The following COL5A1 variants were observed in gnomAD, a reference collection of about 807,000 sequenced individuals.
COL5A1 encodes collagen alpha-1(V) chain.
COL5A1 carries 16 observed loss-of-function variants against 263.7 expected under a neutral mutation model. The observed-to-expected ratio is 0.06, with a 90% CI of 0.04 to 0.09. The LOEUF is 0.09. Ranked by LOEUF, COL5A1 falls within the 10% of genes least tolerant of loss-of-function variation. The pLI is 1.00. For missense variants in COL5A1, 2,036 were observed against 2,540.5 expected (o/e 0.80, Z 4.27); for synonymous variants, 1,012 against 1,004.5 (o/e 1.01, Z -0.14).
intron 1 of COL5A1, among the ~76,000 whole-genome samples, chr9:134,664,107 A>T (rs1212866708): frequency 1.3e-5 from 2 of 152,254 alleles, no homozygotes; most frequent in Non-Finnish European, 2.9e-5. Context: ...ACAGCCTGTC[A>T]TGTTGGCTGG....
At chr9:134,743,331 G>A (rs948261605) in intron 11 of COL5A1, among the ~76,000 whole-genome samples, 15 of 152,200 alleles carry the variant, frequency 9.9e-5, no homozygotes, top group African/African-American at 3.6e-4. Flanking sequence ...CTTGCTTACC[G>A]TCTAATTGAC....
chr9:134,708,541 A>G, intron 4 of COL5A1: 1 of 516,366 alleles, frequency 1.9e-6, no homozygotes, highest in Non-Finnish European at 3.9e-6. Context: ...TGCTTTCTGT[A>G]GGATCCACCT....
chr9:134,644,520 G>C (rs1315903584), intron 1 of COL5A1, among the ~76,000 whole-genome samples: 2 of 135,490 alleles, frequency 1.5e-5, no homozygotes, highest in Non-Finnish European at 3.2e-5. Context: ...GCTGGGGGGA[G>C]GGGGCGGCTG....
intron 32 of COL5A1, among the ~76,000 whole-genome samples, chr9:134,790,858 C>T (rs1837666858): frequency 6.6e-6 from 1 of 152,024 alleles, no homozygotes; most frequent in South Asian, 2.1e-4. Context: ...GGGGACCTTT[C>T]ACACTGCACT....
chr9:134,841,665 C>A lies in COL5A1; in HGVS notation c.5371-492C>A, dbSNP rs1366057109. On this transcript the variant is annotated intron_variant, in intron 65 of 65. Transcript: ENST00000371817. This position sits in a 1 kb window ranked among gnomAD's most constrained non-coding sequence, Gnocchi z 4.8. ...GTGTGGCAGGTGGTCGTAGGGGGGT[C>A]TTACTTGGCTCAAGGCTCTGCCGGT... 6.6e-6 allele frequency among the ~76,000 whole-genome samples: 1 copy of A among 152,092 alleles called. No individual in the cohort carries two copies. Among genetic ancestry groups the A allele is most frequent in the Non-Finnish European group, 1.5e-5 (1 of 68,024 alleles).
At chr9:134,800,693 C>T (rs1277205348) in intron 37 of COL5A1, among the ~76,000 whole-genome samples, 5 of 140,386 alleles carry the variant, frequency 3.6e-5, no homozygotes, top group African/African-American at 1.1e-4. Flanking sequence ...TGCCGTGAGC[C>T]GAGATCGTGC....
chr9:134,721,927 G>T (rs1254340365), intron 4 of COL5A1, among the ~76,000 whole-genome samples: 1 of 152,194 alleles, frequency 6.6e-6, no homozygotes, highest in Non-Finnish European at 1.5e-5. Flanking sequence ...AGCAGTGGGT[G>T]GGCTGGAAAG....
intron 9 of COL5A1, 136 bp downstream of exon 9, chr9:134,732,263 C>A: frequency 1.2e-6 from 1 of 840,474 alleles, no homozygotes; most frequent in South Asian, 1.4e-5. Flanking sequence ...ACCACCTGGT[C>A]TCGTGGAGTC....
In COL5A1 at chr9:134,789,223, G is replaced by T; in HGVS notation, c.2700+15G>T. ...AGGGCGGCAGGGTAAGGATAGCCTGGCCCCTGGGCAGGCAGCTTGTTCGGC... is the reference window on the plus strand; with the variant it reads ...AGGGCGGCAGGGTAAGGATAGCCTGTCCCCTGGGCAGGCAGCTTGTTCGGC... On this transcript the variant is annotated intron_variant, in intron 32 of 65. Transcript: ENST00000371817. The surrounding 1 kb of genome is among the most constrained non-coding windows in gnomAD (Gnocchi z 4.8). 6.2e-7 allele frequency: 1 copy of T among 1,610,422 alleles called. No individual in the cohort carries two copies.
chr9:134,829,935 T>C, intron 63 of COL5A1, 41 bp from the exon 64 acceptor site: 1 of 1,594,388 alleles, frequency 6.3e-7, no homozygotes, highest in African/African-American at 1.3e-5. Context: ...AACCCTTTTG[T>C]TCTGTTTCTC....
chr9:134,815,966 A>G lies in COL5A1; in HGVS notation c.4100A>G (p.Asp1367Gly). ...GQDGPPGDKG[D>G]DGEPGQTGSP... ...GATGGTCCCCCTGGTGACAAAGGAGATGATGGTGAACCCGGGCAGACGGTG... is the reference window on the plus strand; with the variant it reads ...GATGGTCCCCCTGGTGACAAAGGAGGTGATGGTGAACCCGGGCAGACGGTG... The change falls in exon 52 of 66, where the codon GAT (aspartate) becomes GGT (glycine). Residue 1367 changes from aspartate (D) to glycine (G), a missense_variant. Around this residue, in one of 3 missense-constraint regions of COL5A1, gnomAD observed 1,078 missense variants for 1,521.4 expected, o/e 0.71. Coordinates refer to ENST00000371817, the MANE Select transcript of COL5A1 (RefSeq NM_000093.5). 1 of 1,614,002 alleles carries G rather than the reference A, an allele frequency of 6.2e-7. No homozygotes were observed. The highest frequency in any genetic ancestry group is 8.5e-7 in the Non-Finnish European group (1 of 1,180,024).
At chr9:134,812,797 TG>T (rs1366620876) in intron 48 of COL5A1, 85 bp downstream of exon 48, 28 of 974,162 alleles carry the variant, frequency 2.9e-5, no homozygotes, top group Non-Finnish European at 4.5e-5. Flanking sequence ...TCTGTGTGTA[TG>T]TGTATGTGCG....
intron 4 of COL5A1, among the ~76,000 whole-genome samples, chr9:134,704,711 C>T (rs548179328): frequency 2.8e-4 from 42 of 152,202 alleles, no homozygotes; most frequent in African/African-American, 9.6e-4. Context: ...GTTAGCTGTG[C>T]TCACGTTGGA....
In COL5A1 at chr9:134,731,565, C is replaced by G; in HGVS notation, c.1234C>G (p.Leu412Val). 6.2e-7 allele frequency: 1 copy of G among 1,614,212 alleles called. No homozygotes were observed. Among genetic ancestry groups the G allele is most frequent in the Non-Finnish European group, 8.5e-7 (1 of 1,180,030 alleles). ...GEFTEETIRN[L>V]DENYYDPYYD... ...GTTCACTGAGGAAACGATCCGGAAC[C>G]TTGACGAGAACTACTACGACCCCTA... Residue 412 changes from leucine to valine, a missense_variant, in exon 8 of 66, where the codon CTT (leucine) becomes GTT (valine). Leu to Val is a conservative substitution (Grantham distance 32). Coordinates refer to ENST00000371817, the MANE Select transcript of COL5A1 (RefSeq NM_000093.5).
rs535876023 is a variant in COL5A1, at chr9:134,828,781, C to G, written c.5068-1195C>G. ...TGATACATACCACACATCACAGATA[C>G]ACACCATACACAGACATTACACACA... is the stretch of plus-strand genomic sequence containing the variant. On this transcript the variant is annotated intron_variant, in intron 63 of 65. Transcript: ENST00000371817. 2.0e-5 allele frequency among the ~76,000 whole-genome samples: 3 copies of G among 150,954 alleles called. No homozygotes were observed. In the East Asian group the frequency reaches 5.9e-4, roughly 30 times the overall value.
intron 18 of COL5A1, among the ~76,000 whole-genome samples, chr9:134,759,690 A>ACATATATG (rs1836197095): frequency 1.1e-5 from 1 of 93,816 alleles, no homozygotes; most frequent in Non-Finnish European, 1.9e-5. Context: ...CCACACTCAT[A>ACATATATG]CACATATGCA....
At chr9:134,724,720 A>G in intron 4 of COL5A1, among the ~76,000 whole-genome samples, 1 of 152,164 alleles carries the variant, frequency 6.6e-6, no homozygotes, top group East Asian at 1.9e-4. Context: ...CACAGCGCAA[A>G]GCCACGTCAC....
In COL5A1 at chr9:134,801,978, C is replaced by T. The variant is rs1291806147; in HGVS notation, c.2977C>T (p.Pro993Ser). ...ETGFQGKTGPPGPPGVVGPQG... is the reference protein window; with the variant it reads ...ETGFQGKTGPSGPPGVVGPQG... The stretch of plus-strand genomic sequence containing the variant: ...GGGTTTCCAAGGCAAGACCGGCCCT[C>T]CAGGCCCCCCCGGCGTGGTCGGCCC... Residue 993 changes from proline (P) to serine (S), a missense_variant, in exon 38 of 66, where the codon CCA (proline) becomes TCA (serine). Transcript: ENST00000371817. 6.2e-7 allele frequency: 1 copy of T among 1,613,468 alleles called. No individual in the cohort carries two copies.
intron 50 of COL5A1, 47 bp downstream of exon 50, chr9:134,814,951 C>A: frequency 1.5e-6 from 2 of 1,354,804 alleles, no homozygotes; most frequent in Non-Finnish European, 2.1e-6. Context: ...AGGGGCGGGG[C>A]TCTGCACTGG....
Sources: gnomAD v4.1 joint callset for allele counts (sites outside exome capture counted in the v4.1 genomes callset) on GRCh38, gnomAD v4.1.1 for gene constraint, gnomAD v4.1.1 regional missense constraint, Gnocchi (gnomAD v3.1) non-coding constraint, MANE v1.5 for transcripts, NCBI Gene and HGNC (gene_info 2026-07-23, HGNC 2026-07-21) for gene names.